The following NTM variants were observed in gnomAD, a reference collection of about 807,000 sequenced individuals.
NTM encodes IgLON family member 2.
In NTM, 13 loss-of-function variants were observed where a neutral mutation model predicts 42.1. The ratio of observed to expected loss-of-function variants is 0.31; its 90% CI spans 0.20 to 0.49. The LOEUF is 0.49. NTM is among the 20% of genes least tolerant of loss of function. NTM has a pLI of 0.99. For synonymous variants in NTM, 187 were observed against 179.2 expected (o/e 1.04, Z -0.35); for missense variants, 373 against 452.8 (o/e 0.82, Z 1.60).
chr11:132,101,057 C>A (rs1229849359), intron 2 of NTM, among the ~76,000 whole-genome samples: 5 of 152,170 alleles, frequency 3.3e-5, no homozygotes, highest in Non-Finnish European at 7.3e-5. Flanking sequence ...TGTCTCCAAT[C>A]CACTAAATTT....
chr11:131,565,565 T>C (rs1035360363), intron 1 of NTM, among the ~76,000 whole-genome samples: 2 of 152,208 alleles, frequency 1.3e-5, no homozygotes, highest in African/African-American at 4.8e-5. Context: ...CCGCAGGGCA[T>C]TGTGAGAGCA....
intron 1 of NTM, among the ~76,000 whole-genome samples, chr11:131,542,083 A>G (rs918441316): frequency 1.7e-4 from 26 of 152,230 alleles, no homozygotes; most frequent in African/African-American, 6.0e-4. Flanking sequence ...TCAACAGAGC[A>G]TAAGTATTGA....
At chr11:131,935,659 CCTT>C (rs751051100) in intron 2 of NTM, among the ~76,000 whole-genome samples, 23 of 152,168 alleles carry the variant, frequency 1.5e-4, no homozygotes, top group Non-Finnish European at 2.5e-4. Flanking sequence ...CTGCAGCTCT[CCTT>C]CTTACTGCAA....
At chr11:132,256,704 G>A (rs1201215966) in intron 4 of NTM, among the ~76,000 whole-genome samples, 1 of 151,568 alleles carries the variant, frequency 6.6e-6, no homozygotes, top group African/African-American at 2.4e-5. Context: ...AGGTGTGAAA[G>A]TGGCATAAAC....
intron 1 of NTM, among the ~76,000 whole-genome samples, chr11:131,733,727 G>A (rs2080038762): frequency 6.6e-6 from 1 of 152,054 alleles, no homozygotes; most frequent in Admixed American, 6.6e-5. Flanking sequence ...GTAGAGATGG[G>A]GGGGTTTGCC....
intron 4 of NTM, among the ~76,000 whole-genome samples, chr11:132,305,074 A>G (rs2095029468): frequency 7.2e-5 from 11 of 152,194 alleles, no homozygotes. Flanking sequence ...CCCACAGAAA[A>G]CTGATGAGTT....
At chr11:131,387,059 C>T (rs1469635810) in intron 1 of NTM, among the ~76,000 whole-genome samples, 2 of 152,318 alleles carry the variant, frequency 1.3e-5, no homozygotes, top group African/African-American at 4.8e-5. Flanking sequence ...CCCAGTCTAT[C>T]ATTAACTTTA....
At chr11:131,965,879 A>G (rs891322848) in intron 2 of NTM, among the ~76,000 whole-genome samples, 2 of 150,574 alleles carry the variant, frequency 1.3e-5, no homozygotes, top group Admixed American at 6.6e-5. Flanking sequence ...TAGTACATGG[A>G]AAAAGGAAGG....
intron 1 of NTM, among the ~76,000 whole-genome samples, chr11:131,546,348 A>T (rs2053942501): frequency 6.6e-6 from 1 of 152,198 alleles, no homozygotes. Flanking sequence ...GATACAAACA[A>T]GGTTCCCACG....
chr11:131,979,156 C>T (rs549577363), intron 2 of NTM, among the ~76,000 whole-genome samples: 3 of 152,242 alleles, frequency 2.0e-5, no homozygotes, highest in African/African-American at 7.2e-5. Flanking sequence ...GGGCAGGGAG[C>T]AGTCATGTTC....
intron 1 of NTM, chr11:131,662,468 A>C (rs1452586984): frequency 6.6e-6 from 1 of 152,242 alleles, no homozygotes; most frequent in Non-Finnish European, 1.5e-5. Context: ...AGCCCGAGCA[A>C]GGGCTTTACA....
chr11:131,685,762 C>T (rs1254897729), intron 1 of NTM, among the ~76,000 whole-genome samples: 3 of 152,186 alleles, frequency 2.0e-5, no homozygotes, highest in Admixed American at 1.3e-4. Flanking sequence ...TGTCAATCTA[C>T]CTCCACAAAA....
chr11:131,396,285 T>C (rs1020205332), intron 1 of NTM, among the ~76,000 whole-genome samples: 1 of 152,140 alleles, frequency 6.6e-6, no homozygotes, highest in African/African-American at 2.4e-5. Flanking sequence ...TATAAAATAT[T>C]AACTGGCATT....
intron 1 of NTM, among the ~76,000 whole-genome samples, chr11:131,594,599 A>G (rs761847383): frequency 4.6e-5 from 7 of 151,850 alleles, no homozygotes; most frequent in African/African-American, 1.5e-4. Context: ...GGGTCTTACT[A>G]TATTGCCCAG....
At chr11:132,024,923 C>A (rs1004496132) in intron 2 of NTM, among the ~76,000 whole-genome samples, 1 of 152,184 alleles carries the variant, frequency 6.6e-6, no homozygotes, top group East Asian at 1.9e-4. Context: ...GCTGTGGAAA[C>A]AAATACACCC....
intron 2 of NTM, among the ~76,000 whole-genome samples, chr11:132,034,483 G>A (rs780535683): frequency 3.3e-5 from 5 of 152,212 alleles, no homozygotes; most frequent in Non-Finnish European, 5.9e-5. Context: ...TGGAAGATTA[G>A]CAGGTCAGAA....
intron 2 of NTM, among the ~76,000 whole-genome samples, chr11:131,944,817 G>A (rs533451526): frequency 2.0e-5 from 3 of 152,250 alleles, no homozygotes; most frequent in Admixed American, 6.5e-5. Context: ...ATCATGCCAC[G>A]GCATCACCAT....
chr11:132,278,602 T>A (rs1304529549), intron 4 of NTM, among the ~76,000 whole-genome samples: 1 of 152,022 alleles, frequency 6.6e-6, no homozygotes, highest in Non-Finnish European at 1.5e-5. Flanking sequence ...ATTCTCCACC[T>A]CTCAGTGGGA....
Position 131,611,147 on chromosome 11 carries a change from C to T in NTM, c.82+240259C>T, listed in dbSNP as rs190827811. The stretch of plus-strand genomic sequence containing the variant: ...TCGGGGACCAAGGAAGCTGAAGTGA[C>T]GCTTTGGGTTTTTAGCCTTTGCACC... On this transcript the variant is annotated intron_variant, in intron 1 of 8. Coordinates refer to ENST00000683400, the MANE Select transcript of NTM (RefSeq NM_001352005.2). Among the ~76,000 whole-genome samples, 21 of 152,150 alleles carry T rather than the reference C, an allele frequency of 1.4e-4. No individual in the cohort carries two copies. In the South Asian group the frequency reaches 1.5e-3, roughly 11 times the overall value.
Sources: gnomAD v4.1 joint callset for allele counts (sites outside exome capture counted in the v4.1 genomes callset) on GRCh38, gnomAD v4.1.1 for gene constraint, MANE v1.5 for transcripts, NCBI Gene and HGNC (gene_info 2026-07-23, HGNC 2026-07-21) for gene names.